Variants in PARP11 observed in about 807,000 individuals in gnomAD.
PARP11 encodes protein mono-ADP-ribosyltransferase PARP11.
Under a neutral mutation model 42.9 loss-of-function variants are expected in PARP11, and 31 were observed. The ratio of observed to expected loss-of-function variants is 0.72; its 90% CI spans 0.54 to 0.98. The LOEUF (loss-of-function observed/expected upper bound fraction) is 0.98, where lower values mean the gene tolerates loss of function less well. Ranked by LOEUF, PARP11 falls within the 50% of genes least tolerant of loss-of-function variation. The pLI is 0.00. For missense variants in PARP11, 365 were observed against 413.1 expected, an observed-to-expected ratio of 0.88 and a Z score of 1.01; for synonymous variants, 137 against 127.3, an observed-to-expected ratio of 1.08 and a Z score of -0.51.
Position 3,826,099 on chromosome 12 carries a change from C to A in PARP11, c.344+59G>T, listed in dbSNP as rs377283605. The A allele has an allele frequency of 1.1e-4, 106 of 940,514 alleles. No homozygotes were observed. In the African/African-American group the frequency reaches 1.6e-3, roughly 15 times the overall value. 58.3% of individuals were successfully genotyped at this position (940,514 alleles called of 1,614,324 possible). A position where few individuals can be genotyped will look rare whatever the true frequency, so the allele number is the denominator to read the frequency against. ...AAATATTTCCAGTCTATTTGTTTTT[C>A]TGTCCAATAGTAAGAAAAAAAAAAC... On this transcript the variant is annotated intron_variant, in intron 4 of 7. Transcript: ENST00000228820.
intron 1 of PARP11, among the ~76,000 whole-genome samples, chr12:3,871,016 AGAT>A (rs1263298963): frequency 6.6e-6 from 1 of 152,212 alleles, no homozygotes; most frequent in Non-Finnish European, 1.5e-5. Flanking sequence ...GAAAATACTA[AGAT>A]GATGACTATT....
At chr12:3,819,791 A>T (rs1221209207) in intron 6 of PARP11, among the ~76,000 whole-genome samples, 1 of 152,166 alleles carries the variant, frequency 6.6e-6, no homozygotes, top group East Asian at 1.9e-4. Context: ...GCTACTAAAG[A>T]CGATCACACA....
At chr12:3,858,725 A>G (rs1948237368) in intron 1 of PARP11, among the ~76,000 whole-genome samples, 1 of 152,136 alleles carries the variant, frequency 6.6e-6, no homozygotes. Flanking sequence ...TGCACTGCTT[A>G]GTTATCCTGA....
In PARP11 at chr12:3,828,945, G is replaced by A. The variant is rs1947583220; in HGVS notation, c.233C>T (p.Thr78Ile). 2 of 1,613,846 alleles carry A rather than the reference G, an allele frequency of 1.2e-6. No homozygotes were observed. Among genetic ancestry groups the A allele is most frequent in the African/African-American group, 1.3e-5 (1 of 74,922 alleles). Reference protein sequence around the residue: ...KTNPCGSISFTTSKFSYKIDF... With the variant: ...KTNPCGSISFITSKFSYKIDF... ...TATCTTGTAGCTGAATTTGGAAGTA[G>A]TAAAAGAAATGGAGCCACAAGGGTT... Residue 78 changes from threonine (T) to isoleucine (I), a missense_variant, in exon 3 of 8, where the codon ACT (threonine) becomes ATT (isoleucine). Transcript: ENST00000228820.
chr12:3,812,428 C>T lies in PARP11; in HGVS notation c.712G>A (p.Ala238Thr). ...CGACTGGAATAAGCAGCATCTCTAG[C>T]AAAATAGGTTCCTTAAACAAAGAGG... Reference protein sequence around the residue: ...GAVFGKGTYFARDAAYSSRFC... With the variant: ...GAVFGKGTYFTRDAAYSSRFC... The change falls in exon 8 of 8, where the codon GCT becomes ACT. Residue 238 changes from alanine to threonine, a missense_variant. Ala to Thr is a moderately conservative substitution (Grantham distance 58, BLOSUM62 0). Transcript: ENST00000228820. The T allele has an allele frequency of 6.2e-7, 1 of 1,605,806 alleles. No homozygotes were observed. The highest frequency in any genetic ancestry group is 8.5e-7 in the Non-Finnish European group (1 of 1,175,646).
At chr12:3,839,391 G>T in intron 1 of PARP11, 1 of 1,562,308 alleles carries the variant, frequency 6.4e-7, no homozygotes. Context: ...CCTATCTGCG[G>T]AAACTGGGCT....
intron 3 of PARP11, among the ~76,000 whole-genome samples, chr12:3,827,123 A>C (rs1370147082): frequency 6.6e-6 from 1 of 152,184 alleles, no homozygotes; most frequent in Non-Finnish European, 1.5e-5. Context: ...ATCTTCTTGG[A>C]CCATCTCATT....
chr12:3,823,848 G>A (rs955150769), intron 4 of PARP11, among the ~76,000 whole-genome samples: 1 of 151,504 alleles, frequency 6.6e-6, no homozygotes, highest in Non-Finnish European at 1.5e-5. Flanking sequence ...CCTGGGAGGC[G>A]GAGGCTGCAG....
chr12:3,838,979 A>T (rs1238441989), intron 1 of PARP11, among the ~76,000 whole-genome samples: 1 of 152,006 alleles, frequency 6.6e-6, no homozygotes, highest in Admixed American at 6.5e-5. Flanking sequence ...CTGGGTCCTG[A>T]GTCGGGCAGC....
chr12:3,809,556 A>AT lies in PARP11; in HGVS notation c.*2566_*2567insA, dbSNP rs71061134. The AT allele has an allele frequency of 1, 152,330 of 152,350 alleles. 76,155 individuals carry two copies. Among genetic ancestry groups the AT allele is most frequent in the Non-Finnish European group, 1 (68,050 of 68,050 alleles). The allele number at this position is 152,350 out of a possible 1,614,324, so 9.4% of individuals were successfully genotyped here. On this transcript the variant is annotated 3_prime_UTR_variant, in exon 8 of 8. Coordinates refer to ENST00000228820, the MANE Select transcript of PARP11 (RefSeq NM_020367.6). ...AGTCACCTTGAGATAAGATCTGCAA[A>AT]GTCTAAAAGAAAAACAACTCCCAAA...
chr12:3,828,330 G>A (rs1175128111), intron 3 of PARP11, among the ~76,000 whole-genome samples: 4 of 151,958 alleles, frequency 2.6e-5, no homozygotes, highest in Non-Finnish European at 5.9e-5. Context: ...GGGTGGATCA[G>A]GAGGTCAGGA....
chr12:3,848,881 G>A (rs1234677415), intron 1 of PARP11, among the ~76,000 whole-genome samples: 2 of 150,132 alleles, frequency 1.3e-5, no homozygotes, highest in Non-Finnish European at 3.0e-5. Flanking sequence ...CAGAATGGGA[G>A]AAAATATGTG....
chr12:3,858,212 C>T (rs997451526), intron 1 of PARP11, among the ~76,000 whole-genome samples: 1 of 152,258 alleles, frequency 6.6e-6, no homozygotes. Flanking sequence ...AAGTGAATAT[C>T]AAAGATGTTT....
intron 1 of PARP11, among the ~76,000 whole-genome samples, chr12:3,831,302 T>C (rs2138048716): frequency 6.6e-6 from 1 of 152,296 alleles, no homozygotes; most frequent in African/African-American, 2.4e-5. Flanking sequence ...CATAAAAACA[T>C]ATAGAGTTAT....
chr12:3,846,649 C>T (rs936266013), intron 1 of PARP11, among the ~76,000 whole-genome samples: 3 of 151,220 alleles, frequency 2.0e-5, no homozygotes, highest in African/African-American at 4.9e-5. Context: ...CCCAGCTACT[C>T]GGGAGGCTGA....
chr12:3,846,177 T>C (rs1207717894), intron 1 of PARP11, among the ~76,000 whole-genome samples: 1 of 152,120 alleles, frequency 6.6e-6, no homozygotes, highest in Non-Finnish European at 1.5e-5. Context: ...TTTTGTAGCC[T>C]TAAGAAGTGT....
At chr12:3,816,774 C>A (rs1378407912) in intron 6 of PARP11, among the ~76,000 whole-genome samples, 1 of 152,206 alleles carries the variant, frequency 6.6e-6, no homozygotes, top group Non-Finnish European at 1.5e-5. Flanking sequence ...TGGTGGCACA[C>A]ACCTGTAATC....
intron 6 of PARP11, among the ~76,000 whole-genome samples, chr12:3,818,840 TG>T (rs1253455543): frequency 6.6e-6 from 1 of 152,210 alleles, no homozygotes; most frequent in Non-Finnish European, 1.5e-5. Flanking sequence ...CATCTTCTAT[TG>T]GTTTTCTCCC....
At chr12:3,829,685 T>C (rs1330357230) in intron 2 of PARP11, among the ~76,000 whole-genome samples, 1 of 152,236 alleles carries the variant, frequency 6.6e-6, no homozygotes, top group East Asian at 1.9e-4. Context: ...CCCTCTATTG[T>C]TTCTTCTAAA....
Sources: gnomAD v4.1 joint callset for allele counts (sites outside exome capture counted in the v4.1 genomes callset) on GRCh38, gnomAD v4.1.1 for gene constraint, MANE v1.5 for transcripts, NCBI Gene and HGNC (gene_info 2026-07-23, HGNC 2026-07-21) for gene names.